OSBPL10: variants seen among roughly 807,000 people sequenced by gnomAD.
OSBPL10 encodes oxysterol-binding protein-related protein 10.
A neutral mutation model predicts 81.7 loss-of-function variants in OSBPL10; 49 were observed. That is an observed-to-expected ratio of 0.60 (90% CI 0.48 to 0.76). The LOEUF (loss-of-function observed/expected upper bound fraction) is 0.76, where lower values mean the gene tolerates loss of function less well. Ranked by LOEUF, OSBPL10 falls within the 30% of genes least tolerant of loss-of-function variation. The pLI, the probability that OSBPL10 is intolerant of heterozygous loss-of-function variation, is 0.00. For synonymous variants in OSBPL10, 419 were observed against 383.6 expected (o/e 1.09, Z -1.08); for missense variants, 923 against 987.8 (o/e 0.93, Z 0.88).
chr3:31,876,291 T>C (rs900565188), intron 3 of OSBPL10, 142 bp downstream of exon 3: 2 of 670,592 alleles, frequency 3.0e-6, no homozygotes, highest in African/African-American at 1.8e-5. Flanking sequence ...TAAATTTATG[T>C]GCAGCAGGAC....
intron 3 of OSBPL10, among the ~76,000 whole-genome samples, chr3:31,857,801 A>AGGGG (rs1394952570): frequency 5.6e-5 from 2 of 35,636 alleles, no homozygotes; most frequent in South Asian, 2.2e-3. Flanking sequence ...AGAGACAGAA[A>AGGGG]GGGAGAGAGA....
chr3:31,790,223 G>A (rs1223204515), intron 4 of OSBPL10, among the ~76,000 whole-genome samples: 1 of 152,152 alleles, frequency 6.6e-6, no homozygotes, highest in Non-Finnish European at 1.5e-5. Context: ...TGCTTAGCAA[G>A]TTGGCAAAAA....
intron 1 of OSBPL10, among the ~76,000 whole-genome samples, chr3:31,923,574 G>A (rs1696982016): frequency 6.6e-6 from 1 of 152,144 alleles, no homozygotes; most frequent in East Asian, 1.9e-4. Context: ...AGGATCACTT[G>A]AGCCCAAAAG....
intron 8 of OSBPL10, among the ~76,000 whole-genome samples, chr3:31,672,954 A>T (rs1313741374): frequency 2.0e-5 from 3 of 152,100 alleles, no homozygotes; most frequent in Non-Finnish European, 4.4e-5. Context: ...CAAATCCACA[A>T]ACAGCATAAG....
intron 4 of OSBPL10, among the ~76,000 whole-genome samples, chr3:31,769,480 C>A (rs1334683285): frequency 0.014 from 834 of 61,578 alleles, 4 homozygotes; most frequent in Non-Finnish European, 0.024. Context: ...CAAAAAAAAA[C>A]AGAATAAAAA....
At chr3:32,054,102 T>C (rs1312360470) in intron 1 of OSBPL10, among the ~76,000 whole-genome samples, 1 of 152,240 alleles carries the variant, frequency 6.6e-6, no homozygotes, top group African/African-American at 2.4e-5. Flanking sequence ...TGAGCAAAGC[T>C]TTCTGCCTTT....
At chr3:31,809,399 A>C (rs1699609932) in intron 4 of OSBPL10, among the ~76,000 whole-genome samples, 1 of 152,248 alleles carries the variant, frequency 6.6e-6, no homozygotes, top group Admixed American at 6.5e-5. Context: ...TAGGATCCAC[A>C]AACTTTAAAA....
At chr3:31,829,116 C>CA (rs1700168277) in intron 4 of OSBPL10, among the ~76,000 whole-genome samples, 1 of 152,136 alleles carries the variant, frequency 6.6e-6, no homozygotes, top group Non-Finnish European at 1.5e-5. Context: ...CATGCTAACT[C>CA]AAGCAGCGGC....
chr3:32,066,007 G>GAGAA lies in OSBPL10; in HGVS notation n.185+11385_185+11388dup, dbSNP rs1553652531. On this transcript the variant is annotated intron_variant and non_coding_transcript_variant, in intron 1 of 3. Transcript: ENST00000479173. ...AGAAAGAAAGAAAGAAAGAAAGAAA[G>GAGAA]AGAAAGAAAGAAAGAAAGAGAGAGA... 1.5e-4 allele frequency among the ~76,000 whole-genome samples: 7 copies of GAGAA among 46,094 alleles called. 2 individuals carry two copies. The highest frequency in any genetic ancestry group is 6.1e-4 in the Admixed American group (2 of 3,276). 30.2% of individuals were successfully genotyped at this position (46,094 alleles called of 152,430 possible).
At chr3:31,678,644 C>T (rs957892975) in intron 8 of OSBPL10, among the ~76,000 whole-genome samples, 1 of 152,038 alleles carries the variant, frequency 6.6e-6, no homozygotes, top group Admixed American at 6.5e-5. Context: ...AGGTATTGAC[C>T]CTCTACTCCA....
At chr3:31,671,946 A>G (rs922136061) in intron 8 of OSBPL10, among the ~76,000 whole-genome samples, 1 of 151,974 alleles carries the variant, frequency 6.6e-6, no homozygotes, top group African/African-American at 2.4e-5. Context: ...CTCCCATCCA[A>G]TACTTTGGCA....
At chr3:31,861,780 T>C (rs925016334) in intron 3 of OSBPL10, among the ~76,000 whole-genome samples, 2 of 152,178 alleles carry the variant, frequency 1.3e-5, no homozygotes, top group African/African-American at 4.8e-5. Flanking sequence ...GGGGTGATTC[T>C]TTCTATTCTG....
At chr3:31,827,091 C>T (rs1274977155) in intron 4 of OSBPL10, among the ~76,000 whole-genome samples, 4 of 151,888 alleles carry the variant, frequency 2.6e-5, no homozygotes, top group Admixed American at 6.6e-5. Flanking sequence ...TTTCTTTTTT[C>T]TTTTTGAGAT....
At chr3:31,852,903 C>T (rs916030203) in intron 3 of OSBPL10, among the ~76,000 whole-genome samples, 1 of 152,082 alleles carries the variant, frequency 6.6e-6, no homozygotes, top group South Asian at 2.1e-4. Flanking sequence ...TGTTTTAACA[C>T]ATGAATACAT....
intron 1 of OSBPL10, among the ~76,000 whole-genome samples, chr3:31,958,155 G>A (rs920307656): frequency 1.3e-5 from 2 of 152,184 alleles, no homozygotes; most frequent in African/African-American, 4.8e-5. Flanking sequence ...TGTTAACTTA[G>A]AGCTAAAGCG....
upstream of OSBPL10, chr3:31,981,879 G>A (rs1409993384): frequency 2.0e-5 from 3 of 152,314 alleles, no homozygotes; most frequent in East Asian, 5.8e-4. This position sits in a 1 kb window ranked among gnomAD's most constrained non-coding sequence, Gnocchi z 4.5. Flanking sequence ...GGCGGAGGAG[G>A]GGAGTGGCAG....
chr3:31,717,694 A>G (rs1696489075), intron 6 of OSBPL10, among the ~76,000 whole-genome samples: 1 of 152,210 alleles, frequency 6.6e-6, no homozygotes, highest in Non-Finnish European at 1.5e-5. Context: ...GTGACACAGG[A>G]TATTAAAAGA....
At chr3:31,703,337 T>C (rs17028024) in intron 6 of OSBPL10, among the ~76,000 whole-genome samples, 2,206 of 152,314 alleles carry the variant, frequency 0.014, 36 homozygotes, top group South Asian at 0.036. Context: ...CATTTACCTA[T>C]GTTCTTATGA....
intron 6 of OSBPL10, 104 bp downstream of exon 6, chr3:31,733,151 GTC>G: frequency 6.8e-7 from 1 of 1,464,358 alleles, no homozygotes; most frequent in Non-Finnish European, 9.3e-7. Flanking sequence ...TTTTTAATTT[GTC>G]TCCTCTTAAA....
Sources: gnomAD v4.1 joint callset for allele counts (sites outside exome capture counted in the v4.1 genomes callset) on GRCh38, gnomAD v4.1.1 for gene constraint, Gnocchi (gnomAD v3.1) non-coding constraint, MANE v1.5 for transcripts, NCBI Gene and HGNC (gene_info 2026-07-23, HGNC 2026-07-21) for gene names.